The following CACNB2 variants were observed in gnomAD, a reference collection of about 807,000 sequenced individuals.
CACNB2 encodes calcium voltage-gated channel auxiliary subunit beta 2, also known as voltage-dependent L-type calcium channel subunit beta-2.
CACNB2 carries 42 observed loss-of-function variants against 73.3 expected under a neutral mutation model. That is an observed-to-expected ratio of 0.57 (90% confidence interval 0.45 to 0.74). CACNB2 has a LOEUF of 0.74. CACNB2 is among the 30% of genes least tolerant of loss of function. The pLI is 0.00. For missense variants in CACNB2, 940 were observed against 853.0 expected, an observed-to-expected ratio of 1.10 and a Z score of -1.27; for synonymous variants, 348 against 310.3, an observed-to-expected ratio of 1.12 and a Z score of -1.28.
chr10:18,331,172 G>C (rs2040789188), intron 2 of CACNB2, among the ~76,000 whole-genome samples: 1 of 151,942 alleles, frequency 6.6e-6, no homozygotes, highest in Non-Finnish European at 1.5e-5. Context: ...TTTTAGTAGA[G>C]ACGGGGTTTC....
chr10:18,150,849 A>AT, intron 1 of CACNB2, 34 bp from the exon 2 acceptor site: 1 of 814,866 alleles, frequency 1.2e-6, no homozygotes, highest in Non-Finnish European at 1.6e-6. Flanking sequence ...TAATAATCTT[A>AT]TTTGTCTTTT....
intron 2 of CACNB2, among the ~76,000 whole-genome samples, chr10:18,303,120 A>G (rs144387670): frequency 7.2e-5 from 11 of 152,262 alleles, no homozygotes; most frequent in African/African-American, 2.6e-4. Context: ...TTTGGAGTTG[A>G]AGGAATAGAC....
intron 2 of CACNB2, among the ~76,000 whole-genome samples, chr10:18,192,697 A>G (rs2034456825): frequency 1.3e-5 from 2 of 151,914 alleles, no homozygotes; most frequent in African/African-American, 2.4e-5. Context: ...GTCTCTATGG[A>G]TTTATTTATC....
At chr10:18,305,419 A>G (rs2039691010) in intron 2 of CACNB2, among the ~76,000 whole-genome samples, 1 of 152,204 alleles carries the variant, frequency 6.6e-6, no homozygotes, top group Non-Finnish European at 1.5e-5. Context: ...TGAAGTGGAG[A>G]TTTGGCTAAG....
At chr10:18,154,026 A>T (rs1372409130) in intron 2 of CACNB2, among the ~76,000 whole-genome samples, 1 of 151,934 alleles carries the variant, frequency 6.6e-6, no homozygotes. Flanking sequence ...TGGTATTACA[A>T]AGATATTTGC....
chr10:18,355,724 C>T (rs1175593257), intron 2 of CACNB2, among the ~76,000 whole-genome samples: 2 of 151,054 alleles, frequency 1.3e-5, no homozygotes, highest in Non-Finnish European at 2.9e-5. Context: ...GCAACATTTG[C>T]CTCCTGGGTT....
rs373364128 is a variant in CACNB2, at chr10:18,535,397, G to T, written c.1207-704G>T. 7.2e-5 allele frequency among the ~76,000 whole-genome samples: 11 copies of T among 152,224 alleles called. No homozygotes were observed. The East Asian group carries it at 1.9e-3, about 27-fold the overall frequency. ...ACATTGCAGCAGGTTGACTGTAGAA[G>T]CAAACAGGAGACTGCAATTGTCTTC... is the stretch of plus-strand genomic sequence containing the variant. On this transcript the variant is annotated intron_variant, in intron 11 of 13. Coordinates refer to ENST00000324631, the MANE Select transcript of CACNB2 (RefSeq NM_201596.3).
chr10:18,438,620 A>G (rs1258072509), intron 3 of CACNB2, among the ~76,000 whole-genome samples: 1 of 152,178 alleles, frequency 6.6e-6, no homozygotes, highest in East Asian at 1.9e-4. Context: ...CATCTTCCCA[A>G]AAAGGCCGTT....
At chr10:18,205,419 A>G (rs1202309989) in intron 2 of CACNB2, among the ~76,000 whole-genome samples, 1 of 152,194 alleles carries the variant, frequency 6.6e-6, no homozygotes, top group African/African-American at 2.4e-5. Context: ...ATATATGCAT[A>G]GAGGATGCGC....
At chr10:18,306,510 T>C (rs2039733788) in intron 2 of CACNB2, among the ~76,000 whole-genome samples, 1 of 151,896 alleles carries the variant, frequency 6.6e-6, no homozygotes, top group Non-Finnish European at 1.5e-5. Flanking sequence ...CCTTGGAAAA[T>C]GAAGAAGGCA....
intron 2 of CACNB2, among the ~76,000 whole-genome samples, chr10:18,163,836 G>A (rs2032653077): frequency 6.6e-6 from 1 of 152,116 alleles, no homozygotes; most frequent in South Asian, 2.1e-4. Context: ...CCCAGAGCAG[G>A]GTTATTAAGG....
intron 2 of CACNB2, among the ~76,000 whole-genome samples, chr10:18,194,975 G>C (rs1192050060): frequency 6.6e-6 from 1 of 152,120 alleles, no homozygotes; most frequent in Non-Finnish European, 1.5e-5. Flanking sequence ...TCAGCATTTG[G>C]AGACCTTCAA....
At chr10:18,380,842 A>G (rs961937939) in intron 2 of CACNB2, among the ~76,000 whole-genome samples, 14 of 152,132 alleles carry the variant, frequency 9.2e-5, no homozygotes, top group African/African-American at 3.4e-4. Flanking sequence ...GATGAATAGG[A>G]AAGGAGATAA....
intron 3 of CACNB2, among the ~76,000 whole-genome samples, chr10:18,473,065 C>T (rs1216493577): frequency 6.6e-6 from 1 of 152,068 alleles, no homozygotes; most frequent in African/African-American, 2.4e-5. Context: ...CATTGTTGTT[C>T]GGTAATATCA....
chr10:18,410,915 G>T (rs888941822), intron 3 of CACNB2, among the ~76,000 whole-genome samples: 1 of 152,132 alleles, frequency 6.6e-6, no homozygotes, highest in South Asian at 2.1e-4. Flanking sequence ...AGGAGGCAGA[G>T]GTTGCAGTGA....
chr10:18,391,006 A>G (rs926709905), intron 2 of CACNB2, among the ~76,000 whole-genome samples: 7 of 152,228 alleles, frequency 4.6e-5, no homozygotes, highest in Admixed American at 3.3e-4. Flanking sequence ...GCTTCACAAA[A>G]AATAAGTTGT....
intron 2 of CACNB2, among the ~76,000 whole-genome samples, chr10:18,311,197 C>G (rs2039951601): frequency 6.6e-6 from 1 of 152,060 alleles, no homozygotes; most frequent in South Asian, 2.1e-4. Context: ...GCTCTTCTTT[C>G]TTTTTATTTT....
intron 3 of CACNB2, among the ~76,000 whole-genome samples, chr10:18,468,656 G>C (rs2048026257): frequency 6.6e-6 from 1 of 152,128 alleles, no homozygotes; most frequent in African/African-American, 2.4e-5. Context: ...CTAGAGGGTA[G>C]TGGCACAATC....
chr10:18,363,901 T>C (rs1310310949), intron 2 of CACNB2, among the ~76,000 whole-genome samples: 1 of 151,966 alleles, frequency 6.6e-6, no homozygotes, highest in Admixed American at 6.6e-5. Flanking sequence ...ATACTGGCAA[T>C]ATTTTTATTA....
Sources: allele counts gnomAD v4.1 joint callset (sites outside exome capture counted in the v4.1 genomes callset), GRCh38; gene constraint gnomAD v4.1.1; transcripts MANE v1.5; gene names NCBI Gene and HGNC (gene_info 2026-07-23, HGNC 2026-07-21).